SOD2: variants seen among roughly 807,000 people sequenced by gnomAD.
SOD2 encodes superoxide dismutase [Mn], mitochondrial.
A neutral mutation model predicts 27.0 loss-of-function variants in SOD2; 11 were observed. The observed-to-expected ratio is 0.41, with a 90% CI of 0.26 to 0.67. The LOEUF (loss-of-function observed/expected upper bound fraction) is 0.67, where lower values mean the gene tolerates loss of function less well. SOD2 is among the 30% of genes least tolerant of loss of function. The pLI is 0.34. For synonymous variants in SOD2, 105 were observed against 103.0 expected (o/e 1.02, Z -0.12); for missense variants, 250 against 274.5 (o/e 0.91, Z 0.63).
intron 1 of SOD2, among the ~76,000 whole-genome samples, chr6:159,712,501 TAACCACCTCCATAACCACCACTCACAC>T: frequency 8.4e-6 from 1 of 118,968 alleles, no homozygotes; most frequent in Non-Finnish European, 1.8e-5. Context: ...CTGACCTCCA[TAACCACCTCCATAACCACCACTCACAC>T]TGCTCTGATC....
chr6:159,734,811 T>G (rs1778804769), intron 1 of SOD2, among the ~76,000 whole-genome samples: 1 of 148,490 alleles, frequency 6.7e-6, no homozygotes, highest in East Asian at 1.9e-4. Context: ...ATATAAAGAT[T>G]TTATGTTTGT....
upstream of SOD2, chr6:159,693,294 G>A: frequency 5.6e-6 from 4 of 715,918 alleles, no homozygotes; most frequent in Non-Finnish European, 8.5e-6. Context: ...GCAGGGCCGC[G>A]ACCCCAGCTG....
At chr6:159,686,491 C>A (rs568892435) in intron 3 of SOD2, among the ~76,000 whole-genome samples, 2 of 151,786 alleles carry the variant, frequency 1.3e-5, no homozygotes, top group Non-Finnish European at 2.9e-5. Context: ...ACTAAAAATA[C>A]AAAAAAATTA....
At position 159,670,526 on chromosome 6, in the gene SOD2, A is replaced by T. The variant is rs1195264798; in HGVS notation, c.*11967T>A. 4 of 152,216 alleles carry T rather than the reference A, an allele frequency of 2.6e-5. No homozygotes were observed. Among genetic ancestry groups the T allele is most frequent in the Non-Finnish European group, 5.9e-5 (4 of 68,048 alleles). The allele number at this position is 152,216 out of a possible 1,614,324, so 9.4% of individuals were successfully genotyped here. On this transcript the variant is annotated 3_prime_UTR_variant, in exon 5 of 5. Coordinates refer to ENST00000538183, the MANE Select transcript of SOD2 (RefSeq NM_000636.4). ...ATAAGTTGTGTGCCTTCTGTAAATG[A>T]CGATTTAATAATATCAATATCCATT...
chr6:159,716,297 C>A (rs1777920272), intron 1 of SOD2, among the ~76,000 whole-genome samples: 1 of 152,180 alleles, frequency 6.6e-6, no homozygotes, highest in Non-Finnish European at 1.5e-5. Context: ...GGAAGATTAA[C>A]AAGGTCATCC....
chr6:159,759,247 C>G (rs1329388383), intron 1 of SOD2, among the ~76,000 whole-genome samples: 1 of 150,290 alleles, frequency 6.7e-6, no homozygotes, highest in South Asian at 2.1e-4. Flanking sequence ...TTAGTAGAGA[C>G]AGAGTTTCTG....
intron 1 of SOD2, chr6:159,736,710 T>TA (rs780456899): frequency 6.5e-6 from 1 of 153,974 alleles, no homozygotes; most frequent in South Asian, 2.0e-4. Flanking sequence ...ACTACTTTAT[T>TA]AAAAAAATGG....
intron 4 of SOD2, 110 bp downstream of exon 4, chr6:159,684,744 T>C: frequency 1.2e-6 from 1 of 830,598 alleles, no homozygotes; most frequent in Non-Finnish European, 1.8e-6. Context: ...TCTGTTAAGA[T>C]TTGCAAATTA....
At chr6:159,699,002 T>C (rs1777480083) in intron 1 of SOD2, among the ~76,000 whole-genome samples, 1 of 151,778 alleles carries the variant, frequency 6.6e-6, no homozygotes, top group Non-Finnish European at 1.5e-5. Context: ...TTCAAACCCA[T>C]GTTGTTCAAG....
rs1165109290 is a variant in SOD2, at chr6:159,692,850, G to A, written c.37C>T (p.Leu13=). ...CCCAGATACCCCAAAACCGGAGCCA[G>A]CTGCCTGCTGGTGCTGAAGACGAGA... ...SRAVCGTSRQ[L]APVLGYLGSR... The change falls in exon 2 of 5, where the codon CTG becomes TTG. Residue 13 remains leucine, a synonymous_variant. Coordinates refer to ENST00000538183, the MANE Select transcript of SOD2 (RefSeq NM_000636.4). 1.9e-6 allele frequency: 3 copies of A among 1,608,814 alleles called. No homozygotes were observed. Among genetic ancestry groups the A allele is most frequent in the Admixed American group, 3.4e-5 (2 of 59,290 alleles).
Position 159,692,687 on chromosome 6 carries a change from T to TC in SOD2, c.199dup (p.Glu67GlyfsTer33). ...CTTGGCCAACGCCTCCTGGTACTTC[T>TC]CCTCGGTGACGTTCAGGTTGTTCAC... On this transcript the variant is annotated frameshift_variant, in exon 2 of 5. Transcript: ENST00000538183. LOFTEE classifies it high-confidence loss of function. The TC allele has an allele frequency of 6.2e-7, 1 of 1,614,028 alleles. No homozygotes were observed. Among genetic ancestry groups the TC allele is most frequent in the Non-Finnish European group, 8.5e-7 (1 of 1,179,980 alleles).
At chr6:159,692,383 A>C in intron 2 of SOD2, 1 of 1,328,948 alleles carries the variant, frequency 7.5e-7, no homozygotes, top group Non-Finnish European at 9.7e-7. Context: ...TGCTGGCAAT[A>C]TGTGTAACGG....
chr6:159,710,739 A>ATAACCACCACTCATACTGCTCTGACCT (rs1777721157), intron 1 of SOD2, among the ~76,000 whole-genome samples: 1 of 145,170 alleles, frequency 6.9e-6, no homozygotes. Flanking sequence ...TGCTCTGACC[A>ATAACCACCACTCATACTGCTCTGACCT]CCATAACCAC....
chr6:159,752,596 C>A (rs1464603279), intron 1 of SOD2, among the ~76,000 whole-genome samples: 1 of 152,128 alleles, frequency 6.6e-6, no homozygotes, highest in Non-Finnish European at 1.5e-5. Flanking sequence ...AATTGTGATA[C>A]GTGACCACTG....
At chr6:159,736,032 G>T (rs180929656) in intron 1 of SOD2, among the ~76,000 whole-genome samples, 1 of 152,064 alleles carries the variant, frequency 6.6e-6, no homozygotes, top group African/African-American at 2.4e-5. Flanking sequence ...AATGATGGAA[G>T]ATGTTAACAA....
At chr6:159,755,739 TTTTTTCTTTG>T in intron 1 of SOD2, 1 of 1,222,780 alleles carries the variant, frequency 8.2e-7, no homozygotes, top group Non-Finnish European at 1.0e-6. Flanking sequence ...TTTTGTTGTT[TTTTTTCTTTG>T]TTTTTTTTTT....
exon 1 of SOD2, chr6:159,762,076 A>C (rs747999711): frequency 7.4e-6 from 12 of 1,612,700 alleles, no homozygotes; most frequent in Admixed American, 1.7e-5. Context: ...AGACGGCGGC[A>C]GGAGAAGCAA....
At chr6:159,741,958 A>C in intron 1 of SOD2, 2 of 708,774 alleles carry the variant, frequency 2.8e-6, no homozygotes, top group South Asian at 1.7e-5. Flanking sequence ...TCTAAAAAAA[A>C]CTAGATTTAA....
At chr6:159,740,916 A>G (rs1253482403) in intron 1 of SOD2, among the ~76,000 whole-genome samples, 1 of 151,852 alleles carries the variant, frequency 6.6e-6, no homozygotes, top group African/African-American at 2.4e-5. Flanking sequence ...GTTGGCCAGG[A>G]TGGTCTTGAT....
Sources: gnomAD v4.1 joint callset for allele counts (sites outside exome capture counted in the v4.1 genomes callset) on GRCh38, gnomAD v4.1.1 for gene constraint, MANE v1.5 for transcripts, NCBI Gene and HGNC (gene_info 2026-07-23, HGNC 2026-07-21) for gene names.